The following PPM1E variants were observed in gnomAD, a reference collection of about 807,000 sequenced individuals.
PPM1E encodes the protein protein phosphatase 1E.
A neutral mutation model predicts 65.9 loss-of-function variants in PPM1E; 20 were observed. The observed-to-expected ratio is 0.30, with a 90% confidence interval of 0.21 to 0.44. The LOEUF is 0.44. Among genes scored for constraint, PPM1E ranks in the 20% least tolerant of loss-of-function variants. The pLI, the probability that PPM1E is intolerant of heterozygous loss-of-function variation, is 1.00. For missense variants in PPM1E, 713 were observed against 953.1 expected (o/e 0.75, Z 3.32); for synonymous variants, 352 against 374.9 (o/e 0.94, Z 0.70).
intron 1 of PPM1E, among the ~76,000 whole-genome samples, chr17:58,799,847 T>G (rs2050242584): frequency 6.6e-6 from 1 of 152,224 alleles, no homozygotes. Context: ...CCCAAAGTGC[T>G]GGGATTACAG....
At chr17:58,906,921 C>A (rs1285248443) in intron 1 of PPM1E, among the ~76,000 whole-genome samples, 1 of 151,850 alleles carries the variant, frequency 6.6e-6, no homozygotes, top group African/African-American at 2.4e-5. Flanking sequence ...GAAAATTTTT[C>A]TTTGATTCAT....
chr17:58,923,183 G>C lies in PPM1E; in HGVS notation c.465-32466G>C, dbSNP rs572291214. Among the ~76,000 whole-genome samples, 3 of 151,076 alleles carry C rather than the reference G, an allele frequency of 2.0e-5. No homozygotes were observed. The East Asian group carries it at 6.1e-4, about 31-fold the overall frequency. On this transcript the variant is annotated intron_variant, in intron 1 of 6. Coordinates refer to ENST00000308249, the MANE Select transcript of PPM1E (RefSeq NM_014906.5). ...ACCTGTAGGCCCAGCTACTCATGAG[G>C]CTGAGATGGAAGGATCACTTGAGCC...
intron 1 of PPM1E, among the ~76,000 whole-genome samples, chr17:58,786,236 C>T (rs866637754): frequency 2.6e-5 from 4 of 151,640 alleles, no homozygotes; most frequent in Middle Eastern, 3.2e-3. Context: ...GGATGGTCTC[C>T]GTCTCCTGAC....
chr17:58,885,144 G>A (rs1015452256), intron 1 of PPM1E, among the ~76,000 whole-genome samples: 3 of 151,912 alleles, frequency 2.0e-5, no homozygotes, highest in African/African-American at 7.3e-5. Context: ...GCAACCTCTG[G>A]CTCCCAGGTT....
At chr17:58,793,944 A>G (rs1162103525) in intron 1 of PPM1E, among the ~76,000 whole-genome samples, 3 of 151,522 alleles carry the variant, frequency 2.0e-5, no homozygotes, top group Non-Finnish European at 2.9e-5. Flanking sequence ...CCTGGGTTCA[A>G]ACGATTTTCG....
intron 3 of PPM1E, chr17:58,966,248 C>T (rs1292352054): frequency 5.4e-6 from 2 of 370,156 alleles, no homozygotes; most frequent in Non-Finnish European, 1.0e-5. Context: ...GGTGTGGTAG[C>T]TCACGCCTGT....
rs150129142 is a variant in PPM1E, at chr17:58,905,071, A to G, written c.465-50578A>G. Among the ~76,000 whole-genome samples the G allele has an allele frequency of 9.0e-3, 1,356 of 151,202 alleles. 13 individuals carry two copies. The highest frequency in any genetic ancestry group is 0.015 in the Non-Finnish European group (1,035 of 67,576). ...CAAAAAACAACAAACAATTTCTCCT[A>G]TAGTTTTGTATAATTCCTTGTTGGT... On this transcript the variant is annotated intron_variant, in intron 1 of 6. Transcript: ENST00000308249.
chr17:58,931,868 G>A (rs958329018), intron 1 of PPM1E, among the ~76,000 whole-genome samples: 1 of 152,180 alleles, frequency 6.6e-6, no homozygotes, highest in African/African-American at 2.4e-5. Flanking sequence ...TAAAGAAAAT[G>A]TCACAAAAGA....
chr17:58,961,440 C>A (rs1484771825), intron 2 of PPM1E, among the ~76,000 whole-genome samples: 3 of 152,152 alleles, frequency 2.0e-5, no homozygotes, highest in African/African-American at 7.2e-5. Context: ...ATGATGTTAC[C>A]TATTTGTGAA....
chr17:58,964,445 G>A (rs1364186198), intron 2 of PPM1E, among the ~76,000 whole-genome samples: 2 of 152,142 alleles, frequency 1.3e-5, no homozygotes, highest in African/African-American at 4.8e-5. Context: ...CATCTACTGA[G>A]GGTACATGTC....
rs895217012 is a variant in PPM1E at position 58,984,049 on chromosome 17, G to A, written c.*3018G>A. Reference sequence around the variant, plus strand: ...CACTGGGGCTATTAATCCCATTTAGGTCTGTACTAAAGAGGATGGGTAGAA... The same window carrying A: ...CACTGGGGCTATTAATCCCATTTAGATCTGTACTAAAGAGGATGGGTAGAA... On this transcript the variant is annotated 3_prime_UTR_variant, in exon 7 of 7. Transcript: ENST00000308249. The A allele has an allele frequency of 6.6e-6, 1 of 152,566 alleles. No homozygotes were observed. The highest frequency in any genetic ancestry group is 1.5e-5 in the Non-Finnish European group (1 of 68,006). 9.5% of individuals were successfully genotyped at this position (152,566 alleles called of 1,614,324 possible).
At chr17:58,967,772 T>C (rs1395974988) in intron 3 of PPM1E, among the ~76,000 whole-genome samples, 1 of 151,810 alleles carries the variant, frequency 6.6e-6, no homozygotes, top group African/African-American at 2.4e-5. Context: ...TTAGTAGGGA[T>C]AGAAATTCTA....
intron 1 of PPM1E, among the ~76,000 whole-genome samples, chr17:58,879,123 A>G (rs1421544066): frequency 2.6e-5 from 4 of 152,008 alleles, no homozygotes; most frequent in African/African-American, 7.2e-5. Flanking sequence ...AGTTTACTCT[A>G]TATTGACTAG....
At chr17:58,830,247 G>A (rs2050586888) in intron 1 of PPM1E, among the ~76,000 whole-genome samples, 1 of 151,830 alleles carries the variant, frequency 6.6e-6, no homozygotes, top group African/African-American at 2.4e-5. Flanking sequence ...AATTTTGAAG[G>A]CATTAGTCTG....
Position 58,978,538 on chromosome 17 carries a change from C to T in PPM1E, c.1211-1436C>T, listed in dbSNP as rs1487150782. Among the ~76,000 whole-genome samples the T allele has an allele frequency of 3.9e-5, 6 of 152,136 alleles. No homozygotes were observed. In the East Asian group the frequency reaches 1.2e-3, roughly 29 times the overall value. On this transcript the variant is annotated intron_variant, in intron 6 of 6. Coordinates refer to ENST00000308249, the MANE Select transcript of PPM1E (RefSeq NM_014906.5). ...CCAGCCTGGCCAATATGGTGAAACC[C>T]CGTCTCTAATAAAAATATAAAAATT... is the stretch of plus-strand genomic sequence containing the variant.
intron 1 of PPM1E, among the ~76,000 whole-genome samples, chr17:58,805,925 A>C (rs1430696294): frequency 7.0e-6 from 1 of 141,918 alleles, no homozygotes; most frequent in East Asian, 2.1e-4. Flanking sequence ...GTAACTTTTT[A>C]ATAGGAGGTT....
chr17:58,900,069 T>A (rs1031820246), intron 1 of PPM1E, among the ~76,000 whole-genome samples: 4 of 151,432 alleles, frequency 2.6e-5, no homozygotes, highest in Non-Finnish European at 5.9e-5. Context: ...TTCTTATGGA[T>A]GAGCAAAGAA....
At chr17:58,810,257 G>T (rs1302736895) in intron 1 of PPM1E, among the ~76,000 whole-genome samples, 1 of 152,062 alleles carries the variant, frequency 6.6e-6, no homozygotes. Context: ...CACCAGGCTG[G>T]AGTGCAGTGG....
At chr17:58,762,780 C>T (rs2049834724) in intron 1 of PPM1E, among the ~76,000 whole-genome samples, 1 of 151,256 alleles carries the variant, frequency 6.6e-6, no homozygotes, top group Non-Finnish European at 1.5e-5. Flanking sequence ...CGCCTGTAGT[C>T]CCAGCTACTT....
Sources: allele counts gnomAD v4.1 joint callset (sites outside exome capture counted in the v4.1 genomes callset), GRCh38; gene constraint gnomAD v4.1.1; transcripts MANE v1.5; gene names NCBI Gene and HGNC (gene_info 2026-07-23, HGNC 2026-07-21).